Variants in GCNT1 observed in about 807,000 individuals in gnomAD.
GCNT1 encodes the protein glucosaminyl (N-acetyl) transferase 1.
In GCNT1, 16 loss-of-function variants were observed where a neutral mutation model predicts 26.2. The observed-to-expected ratio is 0.61, with a 90% CI of 0.41 to 0.93. GCNT1 has a LOEUF of 0.93. Among genes scored for constraint, GCNT1 ranks in the 40% least tolerant of loss-of-function variants. GCNT1 has a pLI of 0.00. For synonymous variants in GCNT1, 183 were observed against 190.8 expected, an observed-to-expected ratio of 0.96 and a Z score of 0.34; for missense variants, 477 against 526.7, an observed-to-expected ratio of 0.91 and a Z score of 0.92.
chr9:76,491,896 C>T (rs988624861), intron 2 of GCNT1, among the ~76,000 whole-genome samples: 1 of 152,182 alleles, frequency 6.6e-6, no homozygotes, highest in Non-Finnish European at 1.5e-5. Flanking sequence ...CCATGAACTT[C>T]CTTTGGCACC....
chr9:76,444,369 G>C (rs1823539082), intron 1 of GCNT1, among the ~76,000 whole-genome samples: 1 of 152,098 alleles, frequency 6.6e-6, no homozygotes, highest in Non-Finnish European at 1.5e-5. Context: ...AAAAAGAAGA[G>C]ATCTGAGGCC....
At chr9:76,413,653 GTT>G in the GCNT1 span, among the ~76,000 whole-genome samples, 3 of 118,682 alleles carry the variant, frequency 2.5e-5, no homozygotes, top group African/African-American at 9.1e-5. Context: ...GTTTTGTTTT[GTT>G]TTTTTTTTTT....
chr9:76,480,814 T>C (rs1178039715), intron 2 of GCNT1, among the ~76,000 whole-genome samples: 1 of 152,248 alleles, frequency 6.6e-6, no homozygotes, highest in African/African-American at 2.4e-5. Context: ...ATATTTTTTC[T>C]TCTGTATGTA....
At chr9:76,484,851 C>T (rs967354923) in intron 2 of GCNT1, among the ~76,000 whole-genome samples, 6 of 149,198 alleles carry the variant, frequency 4.0e-5, no homozygotes, top group Non-Finnish European at 5.9e-5. Context: ...TGCAGTGGCA[C>T]CATTTTGGGT....
At chr9:76,486,162 G>A (rs113364156) in intron 2 of GCNT1, among the ~76,000 whole-genome samples, 1 of 152,208 alleles carries the variant, frequency 6.6e-6, no homozygotes, top group African/African-American at 2.4e-5. Context: ...TTATGCCTCA[G>A]TTTCCTTATC....
the GCNT1 span, among the ~76,000 whole-genome samples, chr9:76,394,768 A>G: frequency 6.6e-6 from 1 of 152,212 alleles, no homozygotes; most frequent in African/African-American, 2.4e-5. Flanking sequence ...GTTCATAACA[A>G]TCCGGAAGCC....
rs1341985158 is a variant in GCNT1, at chr9:76,506,074, A to G, written c.*2406A>G. 1.2e-5 allele frequency: 2 copies of G among 167,078 alleles called. No homozygotes were observed. The highest frequency in any genetic ancestry group is 2.9e-5 in the Non-Finnish European group (2 of 68,120). The allele number at this position is 167,078 out of a possible 1,614,324, so 10.3% of individuals were successfully genotyped here. The stretch of plus-strand genomic sequence containing the variant: ...TTAAGGACAATTTACAGCAAATGAA[A>G]TTTATGATGCTGTGACAAGAAATTT... On this transcript the variant is annotated 3_prime_UTR_variant, in exon 4 of 4. Transcript: ENST00000376730.
At chr9:76,425,718 C>T (rs189387889) in intron 1 of GCNT1, among the ~76,000 whole-genome samples, 4 of 152,086 alleles carry the variant, frequency 2.6e-5, no homozygotes, top group Admixed American at 1.3e-4. Flanking sequence ...TCACTGAAAT[C>T]GGTCTCCCTG....
At chr9:76,470,706 T>C (rs1326060394) in intron 2 of GCNT1, among the ~76,000 whole-genome samples, 2 of 152,146 alleles carry the variant, frequency 1.3e-5, no homozygotes, top group African/African-American at 4.8e-5. Flanking sequence ...TTCCATAATG[T>C]ATACATCTAT....
At chr9:76,467,601 AAACCAG>A (rs1265501960) in intron 2 of GCNT1, among the ~76,000 whole-genome samples, 1 of 152,148 alleles carries the variant, frequency 6.6e-6, no homozygotes, top group Non-Finnish European at 1.5e-5. Context: ...TGCAGTGTAC[AAACCAG>A]ATTGAGAGCT....
rs973160074 is a variant in GCNT1, at chr9:76,459,316, C to T, written c.-408+11C>T. 2.0e-5 allele frequency: 3 copies of T among 152,464 alleles called. No homozygotes were observed. The highest frequency in any genetic ancestry group is 7.2e-5 in the African/African-American group (3 of 41,474). 9.4% of individuals were successfully genotyped at this position (152,464 alleles called of 1,614,324 possible). A position where few individuals can be genotyped will look rare whatever the true frequency, so the allele number is the denominator to read the frequency against. ...AGACGCCCACTCCAGGTAACCGGCT[C>T]TCCCTCGTGTTCCCCTGCTCGGCCG... On this transcript the variant is annotated intron_variant, in intron 1 of 3. Coordinates refer to ENST00000376730, the MANE Select transcript of GCNT1 (RefSeq NM_001490.5).
chr9:76,442,268 C>T (rs1022295338), exon 1 of GCNT1: 1 of 152,260 alleles, frequency 6.6e-6, no homozygotes, highest in Non-Finnish European at 1.5e-5. Flanking sequence ...GCTGACACCT[C>T]GATTTTAGGC....
the GCNT1 span, among the ~76,000 whole-genome samples, chr9:76,404,121 A>C: frequency 6.6e-6 from 1 of 152,222 alleles, no homozygotes; most frequent in Non-Finnish European, 1.5e-5. Flanking sequence ...ATGTTCTCTC[A>C]AATTCATGAT....
At chr9:76,437,454 C>T (rs7038837), upstream of GCNT1, among the ~76,000 whole-genome samples, 83,956 of 152,016 alleles carry the variant, frequency 0.55, 23,479 homozygotes, top group Non-Finnish European at 0.6. Context: ...GCCATGGCAA[C>T]GTCAGGAAGT....
intron 2 of GCNT1, among the ~76,000 whole-genome samples, chr9:76,481,425 A>C (rs544250792): frequency 6.7e-6 from 1 of 149,910 alleles, no homozygotes; most frequent in Non-Finnish European, 1.5e-5. Context: ...TTTTTTTTTT[A>C]AGCTCATCAG....
At chr9:76,477,286 G>C (rs1339306151) in intron 2 of GCNT1, among the ~76,000 whole-genome samples, 1 of 151,280 alleles carries the variant, frequency 6.6e-6, no homozygotes, top group Non-Finnish European at 1.5e-5. Flanking sequence ...CCAGCACTTT[G>C]GGAGGCCGAG....
intron 2 of GCNT1, among the ~76,000 whole-genome samples, chr9:76,493,564 T>C (rs1824811778): frequency 6.6e-6 from 1 of 152,180 alleles, no homozygotes; most frequent in South Asian, 2.1e-4. Context: ...CCCCTCCCCC[T>C]ACAGCTTGAA....
intron 1 of GCNT1, among the ~76,000 whole-genome samples, chr9:76,447,943 A>G (rs1265483551): frequency 2.0e-5 from 3 of 152,194 alleles, no homozygotes; most frequent in African/African-American, 7.2e-5. Flanking sequence ...TACCCTCAAA[A>G]GAGTGCATTT....
rs753695418 is a variant in GCNT1 at position 76,502,694 on chromosome 9, A to G, written c.313A>G (p.Lys105Glu). 6.2e-7 allele frequency: 1 copy of G among 1,614,152 alleles called. No individual in the cohort carries two copies. Among genetic ancestry groups the G allele is most frequent in the South Asian group, 1.1e-5 (1 of 91,072 alleles). Residue 105 changes from lysine (K) to glutamate (E), a missense_variant, in exon 4 of 4, where the codon AAG becomes GAG. Lys to Glu is a moderately conservative substitution (Grantham distance 56). Transcript: ENST00000376730. ...GACCAGTGACTGTTCTTCTTTCATCAAGAGACGCAAATATATTGTAGAACC... is the reference window on the plus strand; with the variant it reads ...GACCAGTGACTGTTCTTCTTTCATCGAGAGACGCAAATATATTGTAGAACC... ...NMTSDCSSFIKRRKYIVEPLS... is the reference protein window; with the variant it reads ...NMTSDCSSFIERRKYIVEPLS...
Sources: allele counts gnomAD v4.1 joint callset (sites outside exome capture counted in the v4.1 genomes callset), GRCh38; gene constraint gnomAD v4.1.1; transcripts MANE v1.5; gene names NCBI Gene and HGNC (gene_info 2026-07-23, HGNC 2026-07-21).